The following SH2B3 variants were observed in gnomAD, a reference collection of about 807,000 sequenced individuals.
The protein encoded by SH2B3 is SH2B adapter protein 3.
A neutral mutation model predicts 51.9 loss-of-function variants in SH2B3; 43 were observed. The observed-to-expected ratio is 0.83, with a 90% CI of 0.65 to 1.07. The LOEUF is 1.07. Ranked by LOEUF, SH2B3 falls within the 50% of genes least tolerant of loss-of-function variation. The probability of loss-of-function intolerance (pLI) is 0.00; values close to 1 mark genes in which losing one functional copy is unlikely to be tolerated. For missense variants in SH2B3, 952 were observed against 834.3 expected, an observed-to-expected ratio of 1.14 and a Z score of -1.74; for synonymous variants, 396 against 376.0, an observed-to-expected ratio of 1.05 and a Z score of -0.62.
chr12:111,408,304 A>G (rs181533140), intron 1 of SH2B3, among the ~76,000 whole-genome samples: 1 of 152,312 alleles, frequency 6.6e-6, no homozygotes, highest in East Asian at 1.9e-4. Flanking sequence ...CACAGTGTCC[A>G]GAGTGGCTTG....
At chr12:111,417,692 A>G (rs1871191417) in intron 1 of SH2B3, among the ~76,000 whole-genome samples, 1 of 151,998 alleles carries the variant, frequency 6.6e-6, no homozygotes, top group Admixed American at 6.6e-5. Flanking sequence ...CCTGGGCTCA[A>G]GTGATCCTCC....
At position 111,438,970 on chromosome 12, in the gene SH2B3, T is replaced by C. The variant is rs75596175; in HGVS notation, c.733-7783T>C. On this transcript the variant is annotated intron_variant, in intron 2 of 7. Coordinates refer to ENST00000341259, the MANE Select transcript of SH2B3 (RefSeq NM_005475.3). This position sits in a 1 kb window ranked among gnomAD's most constrained non-coding sequence, Gnocchi z 4.2. Reference sequence around the variant, plus strand: ...GAGGACCACAGGGGAGTTTTTGTTTTTGTTTGTTTGTTTGTTTGAGACAGT... The same window carrying C: ...GAGGACCACAGGGGAGTTTTTGTTTCTGTTTGTTTGTTTGTTTGAGACAGT... Among the ~76,000 whole-genome samples, 33 of 150,892 alleles carry C rather than the reference T, an allele frequency of 2.2e-4. 1 individual carries two copies. In the East Asian group the frequency reaches 4.4e-3, roughly 20 times the overall value.
upstream of SH2B3, among the ~76,000 whole-genome samples, chr12:111,404,982 G>T (rs1870145622): frequency 6.6e-6 from 1 of 152,140 alleles, no homozygotes; most frequent in Admixed American, 6.5e-5. Flanking sequence ...CTTGTTTCCT[G>T]TTGGGGGAGG....
rs561528670 is a variant in SH2B3, at chr12:111,434,422, A to G, written c.733-12331A>G. Among the ~76,000 whole-genome samples, 3 of 152,158 alleles carry G rather than the reference A, an allele frequency of 2.0e-5. No homozygotes were observed. The South Asian group carries it at 6.2e-4, about 32-fold the overall frequency. On this transcript the variant is annotated intron_variant, in intron 2 of 7. Transcript: ENST00000341259. ...CACATTTCTTGTGATTTATCAGGCTATTTACTCAGCATGTTTGTCTCCTGC... is the reference window on the plus strand; with the variant it reads ...CACATTTCTTGTGATTTATCAGGCTGTTTACTCAGCATGTTTGTCTCCTGC...
intron 2 of SH2B3, among the ~76,000 whole-genome samples, chr12:111,424,368 G>A (rs1188947303): frequency 1.3e-5 from 2 of 152,142 alleles, no homozygotes; most frequent in Non-Finnish European, 2.9e-5. Flanking sequence ...CATGAGTGCT[G>A]TGTTGCTGTT....
intron 2 of SH2B3, among the ~76,000 whole-genome samples, chr12:111,421,732 G>A (rs987055821): frequency 1.3e-5 from 2 of 151,986 alleles, no homozygotes; most frequent in Non-Finnish European, 2.9e-5. Context: ...TGTTTCTTTT[G>A]AGTACTGAAT....
intron 2 of SH2B3, among the ~76,000 whole-genome samples, chr12:111,426,477 C>T (rs957357788): frequency 3.3e-5 from 5 of 150,750 alleles, no homozygotes; most frequent in African/African-American, 7.3e-5. Context: ...CCTGCTGCCT[C>T]GGCCTCCCAG....
At chr12:111,441,352 C>T (rs1359927251) in intron 2 of SH2B3, among the ~76,000 whole-genome samples, 1 of 147,420 alleles carries the variant, frequency 6.8e-6, no homozygotes, top group Non-Finnish European at 1.5e-5. Context: ...GAGCAAGACC[C>T]TATCTCTTAA....
At chr12:111,425,665 C>G (rs926323839) in intron 2 of SH2B3, among the ~76,000 whole-genome samples, 1 of 152,102 alleles carries the variant, frequency 6.6e-6, no homozygotes, top group Non-Finnish European at 1.5e-5. Context: ...AGGATTTAGG[C>G]CTAGAGGGCC....
chr12:111,418,094 GC>G lies in SH2B3; in HGVS notation c.-27-18del, dbSNP rs903580679. 13 of 1,465,950 alleles carry G rather than the reference GC, an allele frequency of 8.9e-6. No homozygotes were observed. The East Asian group carries it at 1.3e-4, about 14-fold the overall frequency. The allele number at this position is 1,465,950 out of a possible 1,614,324, so 90.8% of individuals were successfully genotyped here. ...CTTGCCCACCTGCTTACTCCTTGTCGCCCCCCCACCCACGTGTCTTTCAGCC... is the reference window on the plus strand; with the variant it reads ...CTTGCCCACCTGCTTACTCCTTGTCGCCCCCCACCCACGTGTCTTTCAGCC... On this transcript the variant is annotated intron_variant, in intron 1 of 7. Transcript: ENST00000341259. This position sits in a 1 kb window ranked among gnomAD's most constrained non-coding sequence, Gnocchi z 6.7.
chr12:111,418,123 G>A lies in SH2B3; in HGVS notation c.-23G>A. 1 of 1,478,090 alleles carries A rather than the reference G, an allele frequency of 6.8e-7. No homozygotes were observed. The highest frequency in any genetic ancestry group is 8.9e-7 in the Non-Finnish European group (1 of 1,126,274). 91.6% of individuals were successfully genotyped at this position (1,478,090 alleles called of 1,614,324 possible). A position where few individuals can be genotyped will look rare whatever the true frequency, so the allele number is the denominator to read the frequency against. On this transcript the variant is annotated 5_prime_UTR_variant, in exon 2 of 8. Coordinates refer to ENST00000341259, the MANE Select transcript of SH2B3 (RefSeq NM_005475.3). This position sits in a 1 kb window ranked among gnomAD's most constrained non-coding sequence, Gnocchi z 6.7. ...CCCCACCCACGTGTCTTTCAGCCCG[G>A]CCGCACCACCTGGGTCTCCGCCATG...
intron 2 of SH2B3, among the ~76,000 whole-genome samples, chr12:111,440,650 C>G (rs745793923): frequency 6.6e-6 from 1 of 152,226 alleles, no homozygotes; most frequent in Non-Finnish European, 1.5e-5. Context: ...TTGGCTCTTG[C>G]TATTCCCTTA....
chr12:111,440,302 G>A (rs757019880), intron 2 of SH2B3, among the ~76,000 whole-genome samples: 25 of 152,354 alleles, frequency 1.6e-4, no homozygotes, highest in East Asian at 3.8e-4. Flanking sequence ...GAGCTGGCCC[G>A]GGGCAGGGTG....
chr12:111,447,491 G>T lies in SH2B3; in HGVS notation c.1183G>T (p.Glu395Ter). The change falls in exon 6 of 8, where the codon GAG (glutamate) becomes TAG (stop). Residue 395 changes from glutamate (E) to a stop codon, truncating the protein, a stop_gained. Coordinates refer to ENST00000341259, the MANE Select transcript of SH2B3 (RefSeq NM_005475.3). LOFTEE classifies it high-confidence loss of function. The part of the protein sequence containing the change: ...AHGVFLVRQS[E>*]TRRGEYVLTF... ...TGGAGTGTTCCTGGTGCGGCAGAGC[G>T]AGACGCGGCGTGGGGAATACGTGCT... The T allele has an allele frequency of 6.2e-7, 1 of 1,609,782 alleles. No individual in the cohort carries two copies.
In SH2B3 at chr12:111,447,824, C is replaced by G. The variant is rs1468394022; in HGVS notation, c.1405C>G (p.Pro469Ala). ...SSYVVVVSQP[P>A]GSCNTVLFPF... ...CTACGTGGTAGTCGTCTCCCAACCACCAGGTCTGACCCTACTGCCCTTTGC... is the reference window on the plus strand; with the variant it reads ...CTACGTGGTAGTCGTCTCCCAACCAGCAGGTCTGACCCTACTGCCCTTTGC... The change falls in exon 7 of 8, where the codon CCA becomes GCA. Residue 469 changes from proline (P) to alanine (A), a missense_variant. Transcript: ENST00000341259. The G allele has an allele frequency of 6.2e-7, 1 of 1,613,118 alleles. No individual in the cohort carries two copies. The highest frequency in any genetic ancestry group is 2.2e-5 in the East Asian group (1 of 44,858).
rs751558162 is a variant in SH2B3 at position 111,407,567 on chromosome 12, A to G, written c.-28+1290A>G. ...GCCCTCGTGGAGGGAGAGCCGTCAG[A>G]GGCCACCTGGGCAGGCTGGGCTCGG... On this transcript the variant is annotated intron_variant, in intron 1 of 7. Coordinates refer to ENST00000341259, the MANE Select transcript of SH2B3 (RefSeq NM_005475.3). This position sits in a 1 kb window ranked among gnomAD's most constrained non-coding sequence, Gnocchi z 4.3. 6.6e-5 allele frequency among the ~76,000 whole-genome samples: 10 copies of G among 152,096 alleles called. No homozygotes were observed. Among genetic ancestry groups the G allele is most frequent in the Non-Finnish European group, 1.3e-4 (9 of 68,012 alleles).
In SH2B3 at chr12:111,406,788, C is replaced by G. The variant is rs1049495227; in HGVS notation, c.-28+511C>G. On this transcript the variant is annotated intron_variant, in intron 1 of 7. Transcript: ENST00000341259. The surrounding 1 kb of genome is among the most constrained non-coding windows in gnomAD (Gnocchi z 5.7). ...AGGGTAGCGCCCTGATTCAGGAAGC[C>G]CCTCTCCCCAGTTCCTGCACTGCCG... is the stretch of plus-strand genomic sequence containing the variant. Among the ~76,000 whole-genome samples, 1 of 152,366 alleles carries G rather than the reference C, an allele frequency of 6.6e-6. No individual in the cohort carries two copies. Among genetic ancestry groups the G allele is most frequent in the South Asian group, 2.1e-4 (1 of 4,834 alleles).
chr12:111,441,360 TAA>T (rs35496164), intron 2 of SH2B3, among the ~76,000 whole-genome samples: 24 of 136,784 alleles, frequency 1.8e-4, no homozygotes, highest in African/African-American at 3.3e-4. Flanking sequence ...CCCTATCTCT[TAA>T]AAAAAAAAAA....
intron 2 of SH2B3, among the ~76,000 whole-genome samples, chr12:111,423,787 T>C (rs1441682971): frequency 6.6e-6 from 1 of 152,202 alleles, no homozygotes; most frequent in Non-Finnish European, 1.5e-5. Context: ...GAGACCAGCC[T>C]GGCCAACATG....
Sources: allele counts gnomAD v4.1 joint callset (sites outside exome capture counted in the v4.1 genomes callset), GRCh38; gene constraint gnomAD v4.1.1; non-coding constraint Gnocchi (gnomAD v3.1); transcripts MANE v1.5; gene names NCBI Gene and HGNC (gene_info 2026-07-23, HGNC 2026-07-21).